Variants in EEIG2 observed in about 807,000 individuals in gnomAD.
EEIG2 encodes EEIG family member 2.
At chr1:108,617,501 C>T in the EEIG2 span, among the ~76,000 whole-genome samples, 12 of 152,184 alleles carry the variant, frequency 7.9e-5, no homozygotes, top group East Asian at 5.8e-4. Flanking sequence ...TAACATCCAG[C>T]GGGGCATGTC....
At chr1:108,578,846 A>G in the EEIG2 span, among the ~76,000 whole-genome samples, 46 of 146,988 alleles carry the variant, frequency 3.1e-4, no homozygotes, top group Admixed American at 2.8e-3. Flanking sequence ...ACTAAGCTAC[A>G]TAAGTGAAGG....
the EEIG2 span, among the ~76,000 whole-genome samples, chr1:108,596,619 T>C: frequency 6.6e-6 from 1 of 152,202 alleles, no homozygotes; most frequent in African/African-American, 2.4e-5. Context: ...CTGTATGCTT[T>C]TTTTAAAAAT....
the EEIG2 span, chr1:108,624,713 G>T: frequency 6.2e-7 from 1 of 1,614,072 alleles, no homozygotes; most frequent in Admixed American, 1.7e-5. Context: ...GATAGAAAAG[G>T]TGGAGAGACT....
the EEIG2 span, among the ~76,000 whole-genome samples, chr1:108,615,707 G>A: frequency 6.6e-6 from 1 of 151,606 alleles, no homozygotes; most frequent in Non-Finnish European, 1.5e-5. Context: ...ATGAGCCCAG[G>A]AGTTTAAGAC....
chr1:108,637,665 T>C, the EEIG2 span: 1 of 152,212 alleles, frequency 6.6e-6, no homozygotes, highest in South Asian at 2.1e-4. Context: ...TTATGTCTTT[T>C]CTATCTCCAT....
At chr1:108,588,630 T>G in the EEIG2 span, among the ~76,000 whole-genome samples, 1 of 152,176 alleles carries the variant, frequency 6.6e-6, no homozygotes, top group Non-Finnish European at 1.5e-5. Flanking sequence ...ACTTGATGTT[T>G]TTTGTGGTAA....
the EEIG2 span, chr1:108,560,265 C>T: frequency 4.0e-6 from 1 of 250,462 alleles, no homozygotes; most frequent in Non-Finnish European, 6.2e-6. Flanking sequence ...CCGCGAGAGG[C>T]GGCGGCAGCG....
the EEIG2 span, among the ~76,000 whole-genome samples, chr1:108,564,473 T>C: frequency 6.6e-6 from 1 of 152,140 alleles, no homozygotes; most frequent in Non-Finnish European, 1.5e-5. Flanking sequence ...GTGGAAGATA[T>C]AGTGGGTTAA....
the EEIG2 span, among the ~76,000 whole-genome samples, chr1:108,564,151 T>A: frequency 1.3e-5 from 2 of 152,346 alleles, no homozygotes; most frequent in East Asian, 3.9e-4. Flanking sequence ...TGCTTTCTAC[T>A]GCTCATAGGG....
the EEIG2 span, chr1:108,560,142 G>A: frequency 2.1e-3 from 371 of 178,316 alleles, 1 homozygote; most frequent in African/African-American, 7.6e-3. Flanking sequence ...GGCGGCGGCG[G>A]CGAGCTGAGC....
the EEIG2 span, among the ~76,000 whole-genome samples, chr1:108,576,876 A>T: frequency 2.6e-5 from 4 of 152,208 alleles, no homozygotes; most frequent in South Asian, 8.3e-4. Context: ...CGCCACACTG[A>T]CTTCCACAAT....
At chr1:108,632,423 T>A in the EEIG2 span, among the ~76,000 whole-genome samples, 1 of 152,150 alleles carries the variant, frequency 6.6e-6, no homozygotes, top group Non-Finnish European at 1.5e-5. Context: ...CCATTGGCCA[T>A]CTTTGCAGGG....
At chr1:108,572,421 A>G in the EEIG2 span, among the ~76,000 whole-genome samples, 1 of 151,766 alleles carries the variant, frequency 6.6e-6, no homozygotes, top group Non-Finnish European at 1.5e-5. Context: ...TTGACACATC[A>G]TTATCACCCA....
At chr1:108,586,933 GTTTCTTGCCT>G in the EEIG2 span, among the ~76,000 whole-genome samples, 1 of 152,076 alleles carries the variant, frequency 6.6e-6, no homozygotes, top group African/African-American at 2.4e-5. Flanking sequence ...TACTAATTTG[GTTTCTTGCCT>G]TTTCTTGATT....
At chr1:108,635,040 A>G in the EEIG2 span, 13 of 1,531,384 alleles carry the variant, frequency 8.5e-6, no homozygotes, top group East Asian at 2.9e-4. Context: ...TCCAGGGGTA[A>G]GGTTACTTGG....
chr1:108,625,825 TGTGG>T, the EEIG2 span: 27 of 118,314 alleles, frequency 2.3e-4, no homozygotes, highest in African/African-American at 7.8e-4. Flanking sequence ...TGTGTGTGTG[TGTGG>T]AGAGAGAGAG....
the EEIG2 span, among the ~76,000 whole-genome samples, chr1:108,604,885 A>AG: frequency 6.8e-6 from 1 of 147,368 alleles, no homozygotes; most frequent in Admixed American, 6.8e-5. Flanking sequence ...AAAAAAAGAG[A>AG]AAAAAAAAAT....
chr1:108,584,272 A>C, the EEIG2 span, among the ~76,000 whole-genome samples: 2 of 152,324 alleles, frequency 1.3e-5, no homozygotes, highest in Admixed American at 1.3e-4. Flanking sequence ...AAATGAAAAT[A>C]GGGATACAAA....
At chr1:108,635,249 A>G in the EEIG2 span, 3 of 1,485,080 alleles carry the variant, frequency 2.0e-6, no homozygotes, top group African/African-American at 1.4e-5. Context: ...ATGAACCTCA[A>G]CTATCAAGAG....
Sources: gnomAD v4.1 joint callset for allele counts (sites outside exome capture counted in the v4.1 genomes callset) on GRCh38, gnomAD v4.1.1 for gene constraint, MANE v1.5 for transcripts, NCBI Gene and HGNC (gene_info 2026-07-23, HGNC 2026-07-21) for gene names.